AGAP2: variants seen among roughly 807,000 people sequenced by gnomAD.
AGAP2 encodes arf-GAP with GTPase, ANK repeat and PH domain-containing protein 2.
Under a neutral mutation model 110.9 loss-of-function variants are expected in AGAP2, and 32 were observed. That is an observed-to-expected ratio of 0.29 (90% CI 0.22 to 0.39). AGAP2 has a LOEUF of 0.39. Ranked by LOEUF, AGAP2 falls within the 10% of genes least tolerant of loss-of-function variation. The pLI is 1.00. For synonymous variants in AGAP2, 702 were observed against 713.0 expected, an observed-to-expected ratio of 0.98 and a Z score of 0.25; for missense variants, 1,285 against 1,638.5, an observed-to-expected ratio of 0.78 and a Z score of 3.72.
rs549171830 is a variant in AGAP2 at position 57,733,315 on chromosome 12, T to C, written c.1550-336A>G. Among the ~76,000 whole-genome samples, 4 of 152,066 alleles carry C rather than the reference T, an allele frequency of 2.6e-5. No individual in the cohort carries two copies. In the South Asian group the frequency reaches 8.3e-4, roughly 32 times the overall value. On this transcript the variant is annotated intron_variant, in intron 5 of 18. Coordinates refer to ENST00000547588, the MANE Select transcript of AGAP2 (RefSeq NM_001122772.3). ...ACAATCACCCTGCCCTGCAAATCCA[T>C]AGAACCCTGAACTGGTGGGAGGACA...
chr12:57,740,204 G>A (rs947637877), upstream of AGAP2, among the ~76,000 whole-genome samples: 3 of 151,976 alleles, frequency 2.0e-5, no homozygotes, highest in Non-Finnish European at 4.4e-5. Flanking sequence ...GCTTGGCCTG[G>A]TGGGGGGCTG....
rs1156377406 is a variant in AGAP2 at position 57,738,101 on chromosome 12, G to C, written c.146C>G (p.Thr49Ser). Residue 49 changes from threonine (T) to serine (S), a missense_variant, in exon 1 of 19, where the codon ACT (threonine) becomes AGT (serine). Physicochemically the swap from Thr to Ser is moderately conservative, Grantham distance 58. Transcript: ENST00000547588. This position sits in a 1 kb window ranked among gnomAD's most constrained non-coding sequence, Gnocchi z 6.7. ...GCCTCGGGGGCTGCCAGGATCCCCAGTCTCGGAGCCTCTGGCACCGGCGGC... is the reference window on the plus strand; with the variant it reads ...GCCTCGGGGGCTGCCAGGATCCCCACTCTCGGAGCCTCTGGCACCGGCGGC... Reference protein sequence around the residue: ...AGAAGARGSETGDPGSPRGAE... With the variant: ...AGAAGARGSESGDPGSPRGAE... 3 of 1,523,470 alleles carry C rather than the reference G, an allele frequency of 2.0e-6. No homozygotes were observed. The highest frequency in any genetic ancestry group is 1.8e-6 in the Non-Finnish European group (2 of 1,141,086). The allele number at this position is 1,523,470 out of a possible 1,614,324, so 94.4% of individuals were successfully genotyped here. A position where few individuals can be genotyped will look rare whatever the true frequency, so the allele number is the denominator to read the frequency against.
At chr12:57,735,523 C>CCG in intron 1 of AGAP2, 96 bp from the exon 2 acceptor site, 11 of 1,160,534 alleles carry the variant, frequency 9.5e-6, no homozygotes, top group South Asian at 6.7e-5. Flanking sequence ...TTTCCAACCC[C>CCG]CCCCCAACCC....
Position 57,731,868 on chromosome 12 carries a change from C to T in AGAP2, c.1894G>A (p.Gly632Arg). 1 of 1,607,636 alleles carries T rather than the reference C, an allele frequency of 6.2e-7. No individual in the cohort carries two copies. Among genetic ancestry groups the T allele is most frequent in the East Asian group, 2.2e-5 (1 of 44,762 alleles). The change falls in exon 8 of 19, where the codon GGA becomes AGA. Residue 632 changes from glycine to arginine, a missense_variant. By Grantham distance (125) the Gly-to-Arg change is moderately radical. Coordinates refer to ENST00000547588, the MANE Select transcript of AGAP2 (RefSeq NM_001122772.3). ...TGCAGGGACCCTGGGGTGCTCAATC[C>T]AGCCACTGCAGCTGCCTCGGCTCGG... Reference protein sequence around the residue: ...ELRAEAAAVAGLSTPGSLHRA... With the variant: ...ELRAEAAAVARLSTPGSLHRA...
In AGAP2 at chr12:57,726,773, G is replaced by T; in HGVS notation, c.3358C>A (p.Arg1120Ser). 2 of 1,356,906 alleles carry T rather than the reference G, an allele frequency of 1.5e-6. No individual in the cohort carries two copies. The highest frequency in any genetic ancestry group is 1.9e-6 in the Non-Finnish European group (2 of 1,059,498). The allele number at this position is 1,356,906 out of a possible 1,614,324, so 84.1% of individuals were successfully genotyped here. The part of the protein sequence containing the change: ...LLWYGADVAA[R>S]DAQGRTALFY... ...AGCGCCGTGCGGCCCTGGGCGTCAC[G>T]GGCCGCCACGTCCGCGCCGTACTAG... Residue 1120 changes from arginine (R) to serine (S), a missense_variant, in exon 19 of 19, where the codon CGT becomes AGT. Physicochemically the swap from Arg to Ser is moderately radical, Grantham distance 110. This residue lies in a region of AGAP2 where 201 missense variants were observed against 276.1 expected (regional missense o/e 0.73). Coordinates refer to ENST00000547588, the MANE Select transcript of AGAP2 (RefSeq NM_001122772.3). The surrounding 1 kb of genome is among the most constrained non-coding windows in gnomAD (Gnocchi z 5.7).
rs770103483 is a variant in AGAP2 at position 57,734,073 on chromosome 12, C to G, written c.1502G>C (p.Arg501Pro). The G allele has an allele frequency of 6.2e-7, 1 of 1,612,746 alleles. No homozygotes were observed. The highest frequency in any genetic ancestry group is 1.3e-5 in the African/African-American group (1 of 74,988). Residue 501 changes from arginine to proline, a missense_variant, in exon 5 of 19, where the codon CGC (arginine) becomes CCC (proline). This residue lies in a region of AGAP2 where 844 missense variants were observed against 941.2 expected (regional missense o/e 0.90). Coordinates refer to ENST00000547588, the MANE Select transcript of AGAP2 (RefSeq NM_001122772.3). ...SRLHGQLSSLRGEGRGGLALA... is the reference protein window; with the variant it reads ...SRLHGQLSSLPGEGRGGLALA... ...GGCCAGGCCTCCTCGTCCCTCCCCG[C>G]GAAGGGAACTCAGCTGCCCATGGAG...
upstream of AGAP2, among the ~76,000 whole-genome samples, chr12:57,741,256 C>T (rs1461546158): frequency 1.3e-5 from 2 of 152,186 alleles, no homozygotes; most frequent in African/African-American, 4.8e-5. Flanking sequence ...GTTGTCATCA[C>T]TTGCTCTAAT....
Position 57,727,683 on chromosome 12 carries a change from G to A in AGAP2, c.2855C>T (p.Pro952Leu). 6.2e-7 allele frequency: 1 copy of A among 1,605,998 alleles called. No homozygotes were observed. The change falls in exon 16 of 19, where the codon CCC (proline) becomes CTC (leucine). Residue 952 changes from proline to leucine, a missense_variant and splice_region_variant. Coordinates refer to ENST00000547588, the MANE Select transcript of AGAP2 (RefSeq NM_001122772.3). The part of the protein sequence containing the change: ...GNSICVDCGA[P>L]NPTWASLNLG... Reference sequence around the variant, plus strand: ...CTCCGCTGCCTCCTGGCACTCACTGGGGGCCCCGCAGTCCACGCAGATTGA... The same window carrying A: ...CTCCGCTGCCTCCTGGCACTCACTGAGGGCCCCGCAGTCCACGCAGATTGA...
At position 57,737,833 on chromosome 12, in the gene AGAP2, G is replaced by C; in HGVS notation, c.414C>G (p.Thr138=). Residue 138 remains threonine, a synonymous_variant, in exon 1 of 19, where the codon ACC becomes ACG. Coordinates refer to ENST00000547588, the MANE Select transcript of AGAP2 (RefSeq NM_001122772.3). The surrounding 1 kb of genome is among the most constrained non-coding windows in gnomAD (Gnocchi z 5.9). Reference sequence around the variant, plus strand: ...TGCTGAGCAGGGGGCGCCGGGAGGAGGTGGGGGCGCCCCCAGGCTTGGGGT... The same window carrying C: ...TGCTGAGCAGGGGGCGCCGGGAGGACGTGGGGGCGCCCCCAGGCTTGGGGT... ...SPDPKPGGAP[T]SSRRPLLSSP... is the part of the protein sequence containing the mutation. 1 of 1,479,804 alleles carries C rather than the reference G, an allele frequency of 6.8e-7. No homozygotes were observed. The highest frequency in any genetic ancestry group is 8.9e-7 in the Non-Finnish European group (1 of 1,127,326). 91.7% of individuals were successfully genotyped at this position (1,479,804 alleles called of 1,614,324 possible).
At chr12:57,734,861 T>A (rs187581863) in intron 2 of AGAP2, among the ~76,000 whole-genome samples, 182 bp from the exon 3 acceptor site, 1 of 151,706 alleles carries the variant, frequency 6.6e-6, no homozygotes, top group East Asian at 1.9e-4. Context: ...ATCAGAGCAG[T>A]TGGGAGGATC....
chr12:57,737,701 A>G lies in AGAP2; in HGVS notation c.546T>C (p.Pro182=). Reference sequence around the variant, plus strand: ...TGCAAGGCTTGGGAGCCGGCGGAGGAGGCGCCACCTTGAGCCTCCGGCTGC... The same window carrying G: ...TGCAAGGCTTGGGAGCCGGCGGAGGGGGCGCCACCTTGAGCCTCCGGCTGC... ...GTGSRRLKVA[P]PPPAPKPCKT... The change falls in exon 1 of 19, where the codon CCT becomes CCC. Residue 182 remains proline, a synonymous_variant. Coordinates refer to ENST00000547588, the MANE Select transcript of AGAP2 (RefSeq NM_001122772.3). This position sits in a 1 kb window ranked among gnomAD's most constrained non-coding sequence, Gnocchi z 5.9. 6.5e-7 allele frequency: 1 copy of G among 1,549,708 alleles called. No homozygotes were observed. The highest frequency in any genetic ancestry group is 8.7e-7 in the Non-Finnish European group (1 of 1,150,638).
chr12:57,727,867 C>A, intron 15 of AGAP2, 70 bp downstream of exon 15: 1 of 1,604,464 alleles, frequency 6.2e-7, no homozygotes, highest in Admixed American at 1.7e-5. Flanking sequence ...TCGGCCGTGT[C>A]GTTGCCAATG....
In AGAP2 at chr12:57,737,131, A is replaced by G. The variant is rs1158693520; in HGVS notation, c.1116T>C (p.Ser372=). The G allele has an allele frequency of 4.5e-5, 70 of 1,568,248 alleles. No homozygotes were observed. Among genetic ancestry groups the G allele is most frequent in the African/African-American group, 6.8e-5 (5 of 73,772 alleles). ...GCAGCTCCCTGGACCCGCTGCCAGA[A>G]GACAGGCTGGGGGGTCCGGGAAGGG... is the stretch of plus-strand genomic sequence containing the variant. ...SGPLPGPPSL[S]SGSGSRELLG... The change falls in exon 1 of 19, where the codon TCT becomes TCC. Residue 372 remains serine (S), a synonymous_variant. Transcript: ENST00000547588. The surrounding 1 kb of genome is among the most constrained non-coding windows in gnomAD (Gnocchi z 5.9).
At chr12:57,728,243 A>G in intron 14 of AGAP2, 75 bp downstream of exon 14, 1 of 1,562,490 alleles carries the variant, frequency 6.4e-7, no homozygotes, top group Non-Finnish European at 8.7e-7. Context: ...GCCCGAGCAC[A>G]TGCAGGGGAA....
intron 1 of AGAP2, among the ~76,000 whole-genome samples, chr12:57,735,794 A>G (rs1254431968): frequency 6.6e-6 from 1 of 152,148 alleles, no homozygotes; most frequent in Non-Finnish European, 1.5e-5. Context: ...CTCCTCCCTA[A>G]CCCACTGGTT....
At chr12:57,735,291 G>A in intron 2 of AGAP2, 78 bp downstream of exon 2, 1 of 1,290,106 alleles carries the variant, frequency 7.8e-7, no homozygotes, top group Non-Finnish European at 1.1e-6. Flanking sequence ...GAGAGAAGGA[G>A]AGGTGAAGGG....
In AGAP2 at chr12:57,726,908, T is replaced by C. The variant is rs910684390; in HGVS notation, c.3336+66A>G. 18 of 1,489,032 alleles carry C rather than the reference T, an allele frequency of 1.2e-5. No individual in the cohort carries two copies. The highest frequency in any genetic ancestry group is 5.6e-5 in the African/African-American group (4 of 71,362). The allele number at this position is 1,489,032 out of a possible 1,614,324, so 92.2% of individuals were successfully genotyped here. On this transcript the variant is annotated intron_variant, in intron 18 of 18. Coordinates refer to ENST00000547588, the MANE Select transcript of AGAP2 (RefSeq NM_001122772.3). This position sits in a 1 kb window ranked among gnomAD's most constrained non-coding sequence, Gnocchi z 5.7. Reference sequence around the variant, plus strand: ...GGGTCCCTCTGGGAATTTCGGGCTTTCCCGCGCCAGGCGTTTTCCGAGATG... The same window carrying C: ...GGGTCCCTCTGGGAATTTCGGGCTTCCCCGCGCCAGGCGTTTTCCGAGATG...
rs768713466 is a variant in AGAP2 at position 57,730,875 on chromosome 12, T to G, written c.2224A>C (p.Arg742=). 3 of 1,611,838 alleles carry G rather than the reference T, an allele frequency of 1.9e-6. No individual in the cohort carries two copies. Among genetic ancestry groups the G allele is most frequent in the Non-Finnish European group, 2.5e-6 (3 of 1,179,082 alleles). ...TVKVPGKRPP[R]AISAFGPSAS... The stretch of plus-strand genomic sequence containing the variant: ...GAGGGGCCAAAGGCAGAGATGGCCC[T>G]CGGGGGCCGCTTGCCCGGGACTTTG... Residue 742 remains arginine (R), a synonymous_variant, in exon 11 of 19, where the codon AGG becomes CGG. Transcript: ENST00000547588.
rs567701715 is a variant in AGAP2 at position 57,735,527 on chromosome 12, C to A, written c.1169-100G>T. On this transcript the variant is annotated intron_variant, in intron 1 of 18. Transcript: ENST00000547588. Reference sequence around the variant, plus strand: ...CCCTCTGCAGCTTTCCAACCCCCCCCCAACCCTGCCTGCACTGGAGAGGTG... The same window carrying A: ...CCCTCTGCAGCTTTCCAACCCCCCCACAACCCTGCCTGCACTGGAGAGGTG... The A allele has an allele frequency of 2.0e-4, 228 of 1,124,512 alleles. 1 individual carries two copies. Among genetic ancestry groups the A allele is most frequent in the Admixed American group, 4.0e-4 (20 of 49,912 alleles). The allele number at this position is 1,124,512 out of a possible 1,614,324, so 69.7% of individuals were successfully genotyped here.
Sources: gnomAD v4.1 joint callset for allele counts (sites outside exome capture counted in the v4.1 genomes callset) on GRCh38, gnomAD v4.1.1 for gene constraint, gnomAD v4.1.1 regional missense constraint, Gnocchi (gnomAD v3.1) non-coding constraint, MANE v1.5 for transcripts, NCBI Gene and HGNC (gene_info 2026-07-23, HGNC 2026-07-21) for gene names.